Variants in AK5 observed in about 807,000 individuals in gnomAD.
AK5 encodes adenylate kinase isoenzyme 5.
A neutral mutation model predicts 69.5 loss-of-function variants in AK5; 27 were observed. That is an observed-to-expected ratio of 0.39 (90% CI 0.29 to 0.54). The LOEUF (loss-of-function observed/expected upper bound fraction) is 0.54, where lower values mean the gene tolerates loss of function less well. Among genes scored for constraint, AK5 ranks in the 20% least tolerant of loss-of-function variants. The probability of loss-of-function intolerance (pLI) is 0.71; values close to 1 mark genes in which losing one functional copy is unlikely to be tolerated. For missense variants in AK5, 531 were observed against 700.4 expected, an observed-to-expected ratio of 0.76 and a Z score of 2.73; for synonymous variants, 260 against 244.4, an observed-to-expected ratio of 1.06 and a Z score of -0.60.
chr1:77,309,994 G>A (rs1443167659), intron 5 of AK5, among the ~76,000 whole-genome samples: 1 of 151,908 alleles, frequency 6.6e-6, no homozygotes, highest in African/African-American at 2.4e-5. Context: ...TTTTGCATTT[G>A]GATCTTAAGA....
rs1259774238 is a variant in AK5, at chr1:77,287,069, A to G, written c.189A>G (p.Glu63=). The G allele has an allele frequency of 3.1e-6, 5 of 1,609,566 alleles. No homozygotes were observed. The highest frequency in any genetic ancestry group is 4.2e-6 in the Non-Finnish European group (5 of 1,177,710). ...AATGGGATACATTTGTAAGCCAGGA[A>G]AAGAAGACCTTACCTCCACTAAATG... is the stretch of plus-strand genomic sequence containing the variant. ...KVKWDTFVSQ[E]KKTLPPLNGG... Residue 63 remains glutamate (E), a synonymous_variant, in exon 2 of 14, where the codon GAA becomes GAG. Coordinates refer to ENST00000354567, the MANE Select transcript of AK5 (RefSeq NM_174858.3).
intron 13 of AK5, chr1:77,557,418 A>G: frequency 5.7e-6 from 1 of 176,384 alleles, no homozygotes. Flanking sequence ...CTGGCCTCCC[A>G]GGTGCTTCCC....
intron 6 of AK5, among the ~76,000 whole-genome samples, chr1:77,348,486 G>A (rs973278863): frequency 6.6e-6 from 1 of 151,182 alleles, no homozygotes; most frequent in Non-Finnish European, 1.5e-5. Context: ...TTGTGCACAT[G>A]TACCCTAAAA....
chr1:77,530,163 G>T (rs1658500974), intron 12 of AK5, among the ~76,000 whole-genome samples: 1 of 152,224 alleles, frequency 6.6e-6, no homozygotes, highest in Admixed American at 6.5e-5. Context: ...TGTTCTAGTT[G>T]TTTAGAATTG....
intron 6 of AK5, among the ~76,000 whole-genome samples, chr1:77,341,600 G>T (rs902558917): frequency 2.0e-5 from 3 of 152,188 alleles, no homozygotes; most frequent in African/African-American, 7.2e-5. Flanking sequence ...CAATTCCTGG[G>T]TTAAAACTCT....
chr1:77,424,236 G>T (rs1002097985), intron 8 of AK5, among the ~76,000 whole-genome samples: 1 of 152,182 alleles, frequency 6.6e-6, no homozygotes, highest in Non-Finnish European at 1.5e-5. Context: ...TATATAGCAG[G>T]AATGTGGGTC....
chr1:77,292,972 T>G (rs1176430138), intron 2 of AK5, among the ~76,000 whole-genome samples: 2 of 152,224 alleles, frequency 1.3e-5, no homozygotes, highest in African/African-American at 4.8e-5. Context: ...ATCTTATTCT[T>G]ATGCCAAATT....
At chr1:77,361,265 C>T (rs1646857712) in intron 6 of AK5, among the ~76,000 whole-genome samples, 1 of 152,130 alleles carries the variant, frequency 6.6e-6, no homozygotes, top group Non-Finnish European at 1.5e-5. Flanking sequence ...TTAAGTATTT[C>T]CTGAGAGGCA....
intron 6 of AK5, among the ~76,000 whole-genome samples, chr1:77,395,120 TC>T (rs1648746814): frequency 1.3e-5 from 2 of 152,248 alleles, no homozygotes; most frequent in South Asian, 4.2e-4. Context: ...CATAATGGAT[TC>T]TTTTTTTTTT....
intron 10 of AK5, among the ~76,000 whole-genome samples, chr1:77,517,695 AG>A (rs1557649520): frequency 6.6e-6 from 1 of 152,210 alleles, no homozygotes; most frequent in African/African-American, 2.4e-5. Context: ...ATAATAGCTA[AG>A]GAAAAAAATA....
chr1:77,325,257 G>A (rs576353175), intron 5 of AK5, among the ~76,000 whole-genome samples: 2 of 150,596 alleles, frequency 1.3e-5, no homozygotes, highest in African/African-American at 4.9e-5. Context: ...CGCCCACCTC[G>A]GCCTCCCAAA....
intron 8 of AK5, among the ~76,000 whole-genome samples, chr1:77,480,980 T>A (rs1408348375): frequency 6.6e-6 from 1 of 152,190 alleles, no homozygotes; most frequent in Non-Finnish European, 1.5e-5. Flanking sequence ...CCTGGCTCCA[T>A]CCTAACTTCA....
intron 10 of AK5, among the ~76,000 whole-genome samples, chr1:77,503,699 C>T (rs552515556): frequency 2.0e-5 from 3 of 152,054 alleles, no homozygotes; most frequent in African/African-American, 4.8e-5. Context: ...GTCAGGAGTT[C>T]GAGACCAGCC....
chr1:77,492,925 G>A (rs1026142437), intron 10 of AK5, among the ~76,000 whole-genome samples: 1 of 152,204 alleles, frequency 6.6e-6, no homozygotes, highest in Non-Finnish European at 1.5e-5. Context: ...CTGACATGGA[G>A]ACTGAACTTT....
At chr1:77,353,135 A>G (rs755773694) in intron 6 of AK5, among the ~76,000 whole-genome samples, 28 of 152,214 alleles carry the variant, frequency 1.8e-4, no homozygotes, top group Non-Finnish European at 3.1e-4. Context: ...ACTGATTTAC[A>G]CATTTTTAAC....
At position 77,521,872 on chromosome 1, in the gene AK5, G is replaced by C; in HGVS notation, c.1357G>C (p.Gly453Arg). 1 of 1,613,532 alleles carries C rather than the reference G, an allele frequency of 6.2e-7. No homozygotes were observed. Among genetic ancestry groups the C allele is most frequent in the Non-Finnish European group, 8.5e-7 (1 of 1,179,852 alleles). ...GAAGGAGGCCATGGTGGCCAGCCTC[G>C]GGGACACCAGGGGCTTCCTGATTGA... Reference protein sequence around the residue: ...LLKEAMVASLGDTRGFLIDGY... With the variant: ...LLKEAMVASLRDTRGFLIDGY... Residue 453 changes from glycine (G) to arginine (R), a missense_variant, in exon 12 of 14, where the codon GGG (glycine) becomes CGG (arginine). By Grantham distance (125) the Gly-to-Arg change is moderately radical (BLOSUM62 -2). Transcript: ENST00000354567.
chr1:77,459,077 C>T (rs1653672754), intron 8 of AK5, among the ~76,000 whole-genome samples: 1 of 152,166 alleles, frequency 6.6e-6, no homozygotes, highest in Non-Finnish European at 1.5e-5. Context: ...CCTCTGGATT[C>T]CCTCAGAGGT....
intron 8 of AK5, among the ~76,000 whole-genome samples, chr1:77,481,584 T>C (rs895344966): frequency 1.1e-4 from 16 of 152,200 alleles, no homozygotes; most frequent in Non-Finnish European, 2.1e-4. Flanking sequence ...TAAAGTGTTT[T>C]GAGGGCGGTT....
At chr1:77,544,261 A>G (rs1659426682) in intron 13 of AK5, among the ~76,000 whole-genome samples, 1 of 152,246 alleles carries the variant, frequency 6.6e-6, no homozygotes, top group Non-Finnish European at 1.5e-5. Context: ...TGGATGAGTC[A>G]CTGAGTGAAT....
Sources: gnomAD v4.1 joint callset for allele counts (sites outside exome capture counted in the v4.1 genomes callset) on GRCh38, gnomAD v4.1.1 for gene constraint, MANE v1.5 for transcripts, NCBI Gene and HGNC (gene_info 2026-07-23, HGNC 2026-07-21) for gene names.